The following CPED1 variants were observed in gnomAD, a reference collection of about 807,000 sequenced individuals.
CPED1 encodes the protein cadherin like and PC-esterase domain containing 1.
A neutral mutation model predicts 128.2 loss-of-function variants in CPED1; 114 were observed. That is an observed-to-expected ratio of 0.89 (90% CI 0.76 to 1.04). The LOEUF (loss-of-function observed/expected upper bound fraction) is 1.04, where lower values mean the gene tolerates loss of function less well. Among genes scored for constraint, CPED1 ranks in the 50% least tolerant of loss-of-function variants. CPED1 has a pLI of 0.00. For synonymous variants in CPED1, 462 were observed against 426.7 expected, an observed-to-expected ratio of 1.08 and a Z score of -1.02; for missense variants, 1,211 against 1,207.1, an observed-to-expected ratio of 1.00 and a Z score of -0.05.
chr7:121,252,898 G>C (rs1377266846), intron 18 of CPED1, among the ~76,000 whole-genome samples: 1 of 152,162 alleles, frequency 6.6e-6, no homozygotes, highest in East Asian at 1.9e-4. Flanking sequence ...GTGGAAGTTG[G>C]TGTGGCAATT....
intron 11 of CPED1, among the ~76,000 whole-genome samples, chr7:121,129,289 A>ATATATATATATACACG (rs1554438747): frequency 2.5e-4 from 23 of 93,336 alleles, no homozygotes; most frequent in African/African-American, 1.1e-3. Flanking sequence ...GTATATATGT[A>ATATATATATATACACG]TATATATATA....
At chr7:121,025,428 G>A (rs1792552376) in intron 3 of CPED1, among the ~76,000 whole-genome samples, 2 of 152,042 alleles carry the variant, frequency 1.3e-5, no homozygotes, top group African/African-American at 4.8e-5. Flanking sequence ...TAGAATATCA[G>A]TGTTTCTCAA....
intron 16 of CPED1, among the ~76,000 whole-genome samples, chr7:121,216,429 A>G (rs1797762231): frequency 6.6e-6 from 1 of 152,042 alleles, no homozygotes; most frequent in Non-Finnish European, 1.5e-5. Context: ...ACATATCAGC[A>G]AGAGAGGTAT....
chr7:121,223,950 GTC>G (rs552105485), intron 16 of CPED1, among the ~76,000 whole-genome samples: 1 of 150,938 alleles, frequency 6.6e-6, no homozygotes, highest in Non-Finnish European at 1.5e-5. Context: ...GAATTTTTGT[GTC>G]TCTATTTCTT....
intron 18 of CPED1, among the ~76,000 whole-genome samples, chr7:121,245,940 G>A (rs146954063): frequency 7.9e-5 from 12 of 152,092 alleles, no homozygotes; most frequent in Admixed American, 2.0e-4. Context: ...TGATCCACCC[G>A]CCTCGGCCTC....
intron 5 of CPED1, among the ~76,000 whole-genome samples, chr7:121,073,161 T>C (rs1265658168): frequency 6.6e-6 from 1 of 152,218 alleles, no homozygotes; most frequent in Admixed American, 6.5e-5. Flanking sequence ...ATACTTTGTA[T>C]GCTGTATGTA....
chr7:121,237,181 A>C (rs1004785727), intron 17 of CPED1, among the ~76,000 whole-genome samples: 1 of 152,160 alleles, frequency 6.6e-6, no homozygotes, highest in Non-Finnish European at 1.5e-5. Context: ...ACAATTATTT[A>C]AATGACCAAG....
intron 7 of CPED1, among the ~76,000 whole-genome samples, chr7:121,117,423 G>A (rs906870887): frequency 1.3e-5 from 2 of 151,920 alleles, no homozygotes; most frequent in African/African-American, 4.8e-5. Context: ...AATACAACAT[G>A]TACATTAAAT....
chr7:121,215,613 T>G (rs1198272142), intron 16 of CPED1, among the ~76,000 whole-genome samples: 1 of 152,096 alleles, frequency 6.6e-6, no homozygotes, highest in Admixed American at 6.5e-5. Context: ...TTTTAATAAA[T>G]GTATTAGTTG....
At chr7:121,061,644 A>G (rs904086810) in intron 4 of CPED1, among the ~76,000 whole-genome samples, 2 of 152,198 alleles carry the variant, frequency 1.3e-5, no homozygotes, top group African/African-American at 2.4e-5. Flanking sequence ...CCATTAAAAA[A>G]TAATTGCAAT....
chr7:121,009,434 A>G (rs572726369), intron 2 of CPED1, among the ~76,000 whole-genome samples: 6 of 152,028 alleles, frequency 3.9e-5, no homozygotes, highest in Non-Finnish European at 7.4e-5. Context: ...TAAAAGCCCC[A>G]TCTTTACAAA....
At chr7:121,018,700 A>G (rs1792365462) in intron 3 of CPED1, among the ~76,000 whole-genome samples, 1 of 152,066 alleles carries the variant, frequency 6.6e-6, no homozygotes, top group South Asian at 2.1e-4. Context: ...GATCCATCCC[A>G]TTCTCCTCTA....
chr7:121,249,749 T>A (rs1011744149), intron 18 of CPED1, among the ~76,000 whole-genome samples: 14 of 152,064 alleles, frequency 9.2e-5, no homozygotes, highest in Non-Finnish European at 1.8e-4. Context: ...GGTAAAGGGA[T>A]CAATTCAACA....
intron 18 of CPED1, among the ~76,000 whole-genome samples, chr7:121,250,383 T>C (rs7804261): frequency 0.41 from 62,325 of 150,582 alleles, 13,237 homozygotes; most frequent in Middle Eastern, 0.52. Flanking sequence ...AGATCTAAAA[T>C]TGACACCCTA....
Position 121,125,883 on chromosome 7 carries a change from A to C in CPED1, c.1125A>C (p.Val375=). The change falls in exon 9 of 23, where the codon GTA becomes GTC. Residue 375 remains valine (V), a synonymous_variant. Coordinates refer to ENST00000310396, the MANE Select transcript of CPED1 (RefSeq NM_024913.5). ...GTTATGGCAGTTTCATGTACCCTGT[A>C]GTGCTCCAGGTCAGTATGCCAAAGG... is the stretch of plus-strand genomic sequence containing the variant. ...DIGYGSFMYP[V]VLQVHEHLNF... is the part of the protein sequence containing the mutation. The C allele has an allele frequency of 6.2e-7, 1 of 1,611,738 alleles. No homozygotes were observed. Among genetic ancestry groups the C allele is most frequent in the Non-Finnish European group, 8.5e-7 (1 of 1,177,938 alleles).
intron 16 of CPED1, among the ~76,000 whole-genome samples, chr7:121,196,286 A>G (rs1479176042): frequency 6.6e-6 from 1 of 152,034 alleles, no homozygotes; most frequent in Admixed American, 6.6e-5. Context: ...CACTAGCTGT[A>G]TGCAGTCTGT....
intron 16 of CPED1, among the ~76,000 whole-genome samples, chr7:121,157,776 A>C (rs1796322918): frequency 6.6e-6 from 1 of 152,128 alleles, no homozygotes; most frequent in Non-Finnish European, 1.5e-5. Context: ...CGGCATCCAG[A>C]CCTAGACACG....
intron 6 of CPED1, 86 bp downstream of exon 6, chr7:121,097,917 G>A (rs1032199204): frequency 2.3e-6 from 3 of 1,291,300 alleles, no homozygotes; most frequent in Non-Finnish European, 3.2e-6. Flanking sequence ...GATATGGGGG[G>A]TTCACATGTG....
chr7:120,994,662 GT>G (rs1386514744), intron 2 of CPED1, among the ~76,000 whole-genome samples: 24 of 84,356 alleles, frequency 2.8e-4, no homozygotes, highest in African/African-American at 9.6e-4. Flanking sequence ...TGTGTGTGTT[GT>G]TGTTGTTGTT....
Sources: gnomAD v4.1 joint callset for allele counts (sites outside exome capture counted in the v4.1 genomes callset) on GRCh38, gnomAD v4.1.1 for gene constraint, MANE v1.5 for transcripts, NCBI Gene and HGNC (gene_info 2026-07-23, HGNC 2026-07-21) for gene names.